BABAM2: variants seen among roughly 807,000 people sequenced by gnomAD.
BABAM2 encodes the protein BRISC and BRCA1 A complex member 2, also known as BRISC and BRCA1-A complex member 2.
BABAM2 carries 31 observed loss-of-function variants against 54.7 expected under a neutral mutation model. The observed-to-expected ratio is 0.57, with a 90% confidence interval of 0.43 to 0.77. The LOEUF is 0.77. Ranked by LOEUF, BABAM2 falls within the 30% of genes least tolerant of loss-of-function variation. The pLI is 0.00. For missense variants in BABAM2, 364 were observed against 455.8 expected (o/e 0.80, Z 1.83); for synonymous variants, 167 against 162.9 (o/e 1.03, Z -0.19).
At chr2:28,199,584 TA>T (rs1678029739) in intron 7 of BABAM2, among the ~76,000 whole-genome samples, 1 of 152,154 alleles carries the variant, frequency 6.6e-6, no homozygotes, top group East Asian at 1.9e-4. Context: ...GGTATTAGCT[TA>T]AGGAGATGAG....
At chr2:27,938,094 T>C (rs1668617223) in intron 3 of BABAM2, among the ~76,000 whole-genome samples, 1 of 152,184 alleles carries the variant, frequency 6.6e-6, no homozygotes, top group South Asian at 2.1e-4. Context: ...TTGGCACCTT[T>C]GTCAAAAATC....
chr2:28,223,645 C>T (rs1000594720), intron 7 of BABAM2, among the ~76,000 whole-genome samples: 1 of 152,154 alleles, frequency 6.6e-6, no homozygotes, highest in African/African-American at 2.4e-5. Context: ...ACCAATAACT[C>T]GGCTCTTCAA....
intron 7 of BABAM2, among the ~76,000 whole-genome samples, chr2:28,170,598 C>T (rs1449059490): frequency 6.6e-6 from 1 of 151,948 alleles, no homozygotes; most frequent in East Asian, 1.9e-4. Flanking sequence ...TAGCTAAAAG[C>T]TATGCTCCAT....
At chr2:28,243,030 G>C (rs1682588412) in intron 9 of BABAM2, among the ~76,000 whole-genome samples, 1 of 152,130 alleles carries the variant, frequency 6.6e-6, no homozygotes, top group African/African-American at 2.4e-5. Flanking sequence ...AAGTTACACA[G>C]CTCACTCTAT....
intron 7 of BABAM2, among the ~76,000 whole-genome samples, chr2:28,195,752 G>T (rs1677461626): frequency 6.6e-6 from 1 of 152,206 alleles, no homozygotes; most frequent in South Asian, 2.1e-4. Flanking sequence ...CAGGCCATCA[G>T]CAGAAATGAG....
intron 6 of BABAM2, among the ~76,000 whole-genome samples, chr2:28,051,318 C>T (rs1677980453): frequency 6.6e-6 from 1 of 152,340 alleles, no homozygotes; most frequent in African/African-American, 2.4e-5. Context: ...CTTTCTGGCT[C>T]TGAAATTCCT....
At position 27,919,788 on chromosome 2, in the gene BABAM2, A is replaced by G. The variant is rs1667221664; in HGVS notation, c.129-10044A>G. On this transcript the variant is annotated intron_variant, in intron 2 of 11. Coordinates refer to ENST00000379624, the MANE Select transcript of BABAM2 (RefSeq NM_199191.3). ...CTACTGAAACCATATTGTAATTTAA[A>G]CCACATTTTTGTTATAGGGACACCT... Among the ~76,000 whole-genome samples, 8 of 152,266 alleles carry G rather than the reference A, an allele frequency of 5.3e-5. No homozygotes were observed. The South Asian group carries it at 1.7e-3, about 32-fold the overall frequency.
intron 7 of BABAM2, among the ~76,000 whole-genome samples, chr2:28,168,388 A>G (rs1673942818): frequency 6.6e-6 from 1 of 152,212 alleles, no homozygotes; most frequent in Non-Finnish European, 1.5e-5. Flanking sequence ...GACATTTGGC[A>G]CTTTCAAAAG....
chr2:28,066,251 A>G (rs904709645), intron 6 of BABAM2, among the ~76,000 whole-genome samples: 2 of 152,034 alleles, frequency 1.3e-5, no homozygotes, highest in Admixed American at 6.6e-5. Flanking sequence ...TAGGCATTGT[A>G]TTCTATGCTG....
At chr2:28,015,783 T>G in intron 4 of BABAM2, 2 of 1,087,370 alleles carry the variant, frequency 1.8e-6, no homozygotes, top group Non-Finnish European at 2.5e-6. Flanking sequence ...CAGGCTTCTT[T>G]TTCTTCTTCC....
At chr2:28,091,620 T>G (rs1376162109) in intron 6 of BABAM2, among the ~76,000 whole-genome samples, 1 of 152,156 alleles carries the variant, frequency 6.6e-6, no homozygotes, top group African/African-American at 2.4e-5. Context: ...CTGAAAATAA[T>G]AATAAACTTG....
At chr2:28,285,519 T>C (rs1489429375) in intron 10 of BABAM2, among the ~76,000 whole-genome samples, 2 of 152,220 alleles carry the variant, frequency 1.3e-5, no homozygotes. Flanking sequence ...TGAAGGTTTC[T>C]GCATGGGGGA....
chr2:27,997,882 T>C (rs1044623091), intron 4 of BABAM2, among the ~76,000 whole-genome samples: 2 of 152,132 alleles, frequency 1.3e-5, no homozygotes, highest in African/African-American at 4.8e-5. Flanking sequence ...GGGCCAGGCA[T>C]GGTGGCTCAG....
At chr2:28,101,498 AC>A (rs1213863506) in intron 6 of BABAM2, among the ~76,000 whole-genome samples, 1 of 152,120 alleles carries the variant, frequency 6.6e-6, no homozygotes, top group Non-Finnish European at 1.5e-5. Flanking sequence ...AGTTCTCTGC[AC>A]CCATGTAAGT....
At chr2:28,288,329 C>CT (rs370784439) in intron 10 of BABAM2, among the ~76,000 whole-genome samples, 1,990 of 134,210 alleles carry the variant, frequency 0.015, 18 homozygotes, top group Middle Eastern at 0.058. Context: ...CTTTTCTTTT[C>CT]TTTTTTTTTT....
chr2:27,952,965 C>T (rs1204001960), intron 3 of BABAM2, among the ~76,000 whole-genome samples: 1 of 152,056 alleles, frequency 6.6e-6, no homozygotes, highest in Non-Finnish European at 1.5e-5. Flanking sequence ...ATTCTTTAGC[C>T]AGTTCTATAT....
chr2:28,024,783 A>G (rs144110424), intron 4 of BABAM2, among the ~76,000 whole-genome samples: 152 of 152,242 alleles, frequency 1.0e-3, no homozygotes, highest in African/African-American at 3.3e-3. Flanking sequence ...GTTTATTTAT[A>G]TCTGGTATTA....
At chr2:27,914,502 A>C (rs144370410) in intron 2 of BABAM2, among the ~76,000 whole-genome samples, 6 of 152,184 alleles carry the variant, frequency 3.9e-5, no homozygotes, top group Admixed American at 3.3e-4. Flanking sequence ...CTTAAAGTGT[A>C]ACACCTAGAA....
chr2:28,002,390 C>T (rs1040919880), intron 4 of BABAM2, among the ~76,000 whole-genome samples: 2 of 152,172 alleles, frequency 1.3e-5, no homozygotes, highest in African/African-American at 4.8e-5. Context: ...TAGCTTTGTA[C>T]ATGTGCTCCA....
Sources: allele counts gnomAD v4.1 joint callset (sites outside exome capture counted in the v4.1 genomes callset), GRCh38; gene constraint gnomAD v4.1.1; transcripts MANE v1.5; gene names NCBI Gene and HGNC (gene_info 2026-07-23, HGNC 2026-07-21).